NEK5: variants seen among roughly 807,000 people sequenced by gnomAD.
NEK5 encodes serine/threonine-protein kinase Nek5.
A neutral mutation model predicts 109.2 loss-of-function variants in NEK5; 88 were observed. The observed-to-expected ratio is 0.81, with a 90% confidence interval of 0.68 to 0.96. The LOEUF is 0.96. NEK5 is among the 40% of genes least tolerant of loss of function. The pLI, the probability that NEK5 is intolerant of heterozygous loss-of-function variation, is 0.00. For missense variants in NEK5, 834 were observed against 920.7 expected, an observed-to-expected ratio of 0.91 and a Z score of 1.22; for synonymous variants, 283 against 299.9, an observed-to-expected ratio of 0.94 and a Z score of 0.58.
intron 4 of NEK5, among the ~76,000 whole-genome samples, chr13:52,115,976 G>A (rs1955850259): frequency 6.6e-6 from 1 of 151,998 alleles, no homozygotes; most frequent in African/African-American, 2.4e-5. Flanking sequence ...AGGTGTTTGA[G>A]ACCAGCCTGG....
chr13:52,059,814 G>T (rs560790115), intron 22 of NEK5, among the ~76,000 whole-genome samples: 1 of 151,730 alleles, frequency 6.6e-6, no homozygotes, highest in African/African-American at 2.4e-5. Flanking sequence ...TGGGGTGGGG[G>T]GACGGGGGAG....
chr13:52,123,447 T>C (rs1258007582), intron 3 of NEK5, among the ~76,000 whole-genome samples: 4 of 152,230 alleles, frequency 2.6e-5, no homozygotes, highest in African/African-American at 9.6e-5. Flanking sequence ...TACATTTTTA[T>C]AGAGATTCAC....
rs1954364480 is a variant in NEK5 at position 52,036,762 on chromosome 13, A to G, written c.*186T>C. ...ACTGCCCGGCCTAAGATTTCTTAAT[A>G]GAAACTTTAAAGTAAAAATATTAAT... On this transcript the variant is annotated 3_prime_UTR_variant, in exon 24 of 24. Coordinates refer to ENST00000684899, the MANE Select transcript of NEK5 (RefSeq NM_001365552.1). 5.4e-6 allele frequency: 1 copy of G among 185,194 alleles called. No individual in the cohort carries two copies. Among genetic ancestry groups the G allele is most frequent in the Non-Finnish European group, 1.0e-5 (1 of 98,262 alleles). 11.5% of individuals were successfully genotyped at this position (185,194 alleles called of 1,614,324 possible). A position where few individuals can be genotyped will look rare whatever the true frequency, so the allele number is the denominator to read the frequency against.
chr13:52,054,522 G>A (rs1359323521), intron 22 of NEK5, among the ~76,000 whole-genome samples: 3 of 152,212 alleles, frequency 2.0e-5, no homozygotes, highest in Non-Finnish European at 4.4e-5. Flanking sequence ...AAAGACAGCA[G>A]TAACCTCTGC....
At position 52,057,753 on chromosome 13, in the gene NEK5, C is replaced by G. The variant is rs1226231766; in HGVS notation, c.2110+4066G>C. On this transcript the variant is annotated intron_variant, in intron 22 of 23. Coordinates refer to ENST00000684899, the MANE Select transcript of NEK5 (RefSeq NM_001365552.1). The stretch of plus-strand genomic sequence containing the variant: ...AAGGCCTTTGACAAAATTCAACAAC[C>G]CTTCATGCTAAAAACTCTCAATAAA... Among the ~76,000 whole-genome samples the G allele has an allele frequency of 3.4e-4, 51 of 152,004 alleles. No homozygotes were observed. The East Asian group carries it at 5.0e-3, about 15-fold the overall frequency.
intron 3 of NEK5, among the ~76,000 whole-genome samples, chr13:52,126,532 C>T (rs1201724488): frequency 6.6e-6 from 1 of 152,208 alleles, no homozygotes; most frequent in Admixed American, 6.5e-5. Context: ...AATCCCAGCA[C>T]TTTGGGAGGC....
At chr13:52,060,657 A>C (rs1954605952) in intron 22 of NEK5, among the ~76,000 whole-genome samples, 1 of 152,006 alleles carries the variant, frequency 6.6e-6, no homozygotes, top group Non-Finnish European at 1.5e-5. Context: ...AACTTTGTAA[A>C]CATTTATCAG....
chr13:52,046,621 C>T (rs1332171069), intron 23 of NEK5, among the ~76,000 whole-genome samples: 1 of 151,826 alleles, frequency 6.6e-6, no homozygotes, highest in Non-Finnish European at 1.5e-5. Flanking sequence ...GTCCCGGCTA[C>T]TCAGCAGGCT....
intron 22 of NEK5, among the ~76,000 whole-genome samples, chr13:52,060,114 A>G (rs1408415023): frequency 2.0e-5 from 3 of 152,078 alleles, no homozygotes. Context: ...TCATCTCCAA[A>G]TAACATATAA....
At position 52,102,130 on chromosome 13, in the gene NEK5, AG is replaced by A. The variant is rs781015227; in HGVS notation, c.771del (p.Leu259Ter). 1.9e-6 allele frequency: 3 copies of A among 1,614,094 alleles called. No individual in the cohort carries two copies. In the East Asian group the frequency reaches 6.7e-5, roughly 36 times the overall value. On this transcript the variant is annotated frameshift_variant, in exon 10 of 24. Coordinates refer to ENST00000684899, the MANE Select transcript of NEK5 (RefSeq NM_001365552.1). LOFTEE classifies it high-confidence loss of function. ...TATTTGGGAATAAGATTCTCTAAAA[AG>A]GGCCTTTTCAAAATGGAATTTATGG... ...RPSINSILKR[P>X]FLENLIPKYL...
At chr13:52,058,872 C>T (rs1468376085) in intron 22 of NEK5, among the ~76,000 whole-genome samples, 53 of 152,094 alleles carry the variant, frequency 3.5e-4, no homozygotes, top group African/African-American at 1.3e-3. Context: ...CTAGGCTTTA[C>T]CATTCAGGAC....
chr13:52,048,536 TAGAG>T (rs1022094415), intron 23 of NEK5, among the ~76,000 whole-genome samples: 1 of 152,052 alleles, frequency 6.6e-6, no homozygotes. Flanking sequence ...AAAAGAGACA[TAGAG>T]AGCTATACTA....
At position 52,036,972 on chromosome 13, in the gene NEK5, T is replaced by G; in HGVS notation, c.2475A>C (p.Thr825=). Residue 825 remains threonine (T), a synonymous_variant, in exon 24 of 24, where the codon ACA becomes ACC. Transcript: ENST00000684899. ...ATCACACTTGTATATTTTGACTGGTTGTTGATGTTCCTTGGTCTTCATCAG... is the reference window on the plus strand; with the variant it reads ...ATCACACTTGTATATTTTGACTGGTGGTTGATGTTCCTTGGTCTTCATCAG... ...CITDEDQGTS[T]TSQNIQV The G allele has an allele frequency of 3.0e-6, 3 of 985,242 alleles. No individual in the cohort carries two copies. The highest frequency in any genetic ancestry group is 3.6e-6 in the Non-Finnish European group (3 of 829,744). The allele number at this position is 985,242 out of a possible 1,614,324, so 61.0% of individuals were successfully genotyped here.
At chr13:52,103,102 C>T (rs1480466199) in intron 9 of NEK5, among the ~76,000 whole-genome samples, 2 of 152,112 alleles carry the variant, frequency 1.3e-5, no homozygotes, top group Non-Finnish European at 2.9e-5. Context: ...GTTATTTATA[C>T]ATAATAATAT....
intron 21 of NEK5, among the ~76,000 whole-genome samples, chr13:52,063,801 C>A (rs180851809): frequency 3.3e-5 from 5 of 151,636 alleles, no homozygotes; most frequent in Admixed American, 6.6e-5. Context: ...GCCTGGCAAC[C>A]GCCCCATCTG....
At chr13:52,049,010 TGTG>T (rs1339219396) in intron 23 of NEK5, among the ~76,000 whole-genome samples, 5 of 152,182 alleles carry the variant, frequency 3.3e-5, no homozygotes, top group African/African-American at 1.2e-4. Context: ...ATGATAAGCA[TGTG>T]ACGTAATACA....
chr13:52,045,485 G>A (rs530434181), intron 23 of NEK5, among the ~76,000 whole-genome samples: 279 of 150,808 alleles, frequency 1.9e-3, no homozygotes, highest in African/African-American at 6.4e-3. Context: ...AAAGTTGGGG[G>A]CCGAGCACGG....
intron 16 of NEK5, among the ~76,000 whole-genome samples, chr13:52,084,593 C>G (rs1368236914): frequency 1.3e-5 from 2 of 151,946 alleles, no homozygotes; most frequent in African/African-American, 2.4e-5. Flanking sequence ...GGCTGGGGTA[C>G]AGTGGCACAA....
At chr13:52,082,666 T>C (rs1436952047) in intron 17 of NEK5, among the ~76,000 whole-genome samples, 1 of 152,206 alleles carries the variant, frequency 6.6e-6, no homozygotes, top group African/African-American at 2.4e-5. Flanking sequence ...GGAAGAGAAC[T>C]TGACTCAGAT....
Sources: gnomAD v4.1 joint callset for allele counts (sites outside exome capture counted in the v4.1 genomes callset) on GRCh38, gnomAD v4.1.1 for gene constraint, MANE v1.5 for transcripts, NCBI Gene and HGNC (gene_info 2026-07-23, HGNC 2026-07-21) for gene names.